Variants in CNOT2 observed in about 807,000 individuals in gnomAD.
The protein encoded by CNOT2 is CCR4-NOT transcription complex subunit 2.
A neutral mutation model predicts 72.1 loss-of-function variants in CNOT2; 7 were observed. That is an observed-to-expected ratio of 0.10 (90% CI 0.06 to 0.18). CNOT2 has a LOEUF of 0.18. Ranked by LOEUF, CNOT2 falls within the 10% of genes least tolerant of loss-of-function variation. CNOT2 has a pLI of 1.00. For synonymous variants in CNOT2, 196 were observed against 225.6 expected (o/e 0.87, Z 1.17); for missense variants, 345 against 660.3 (o/e 0.52, Z 5.23).
At chr12:70,338,402 T>C (rs1232211932) in intron 9 of CNOT2, 41 bp from the exon 10 acceptor site, 14 of 1,553,020 alleles carry the variant, frequency 9.0e-6, no homozygotes, top group Non-Finnish European at 1.1e-5. Context: ...ATTTGTATAC[T>C]TAACAAATTT....
intron 1 of CNOT2, among the ~76,000 whole-genome samples, chr12:70,273,212 T>A (rs1219569969): frequency 6.6e-6 from 1 of 152,194 alleles, no homozygotes; most frequent in African/African-American, 2.4e-5. Flanking sequence ...TCCTGTTCTC[T>A]TGTGAATCCA....
chr12:70,277,140 C>T (rs1198601405), intron 1 of CNOT2, among the ~76,000 whole-genome samples: 1 of 151,850 alleles, frequency 6.6e-6, no homozygotes, highest in Non-Finnish European at 1.5e-5. Context: ...ATTTGAATAC[C>T]AATGTTTAGT....
chr12:70,277,005 A>C (rs1868936658), intron 1 of CNOT2, among the ~76,000 whole-genome samples: 1 of 151,920 alleles, frequency 6.6e-6, no homozygotes, highest in Non-Finnish European at 1.5e-5. Context: ...TTTTAGAGGT[A>C]CTCCATATAT....
intron 14 of CNOT2, 83 bp from the exon 15 acceptor site, chr12:70,346,097 G>A (rs911686121): frequency 9.3e-6 from 8 of 857,296 alleles, no homozygotes; most frequent in African/African-American, 3.5e-5. Context: ...TTTTTTTTCC[G>A]GAGGAAAGCT....
chr12:70,264,267 C>T (rs1167803624), intron 1 of CNOT2, among the ~76,000 whole-genome samples: 1 of 152,202 alleles, frequency 6.6e-6, no homozygotes, highest in African/African-American at 2.4e-5. Context: ...CGTGGTTTAA[C>T]TTGTTCCTGT....
chr12:70,341,858 A>G (rs764223330), intron 11 of CNOT2: 87 of 464,770 alleles, frequency 1.9e-4, no homozygotes, highest in Non-Finnish European at 2.9e-4. Context: ...CATGTTTTGT[A>G]TATTGTGATA....
intron 15 of CNOT2, among the ~76,000 whole-genome samples, chr12:70,350,057 C>T (rs12312791): frequency 0.015 from 2,232 of 151,994 alleles, 56 homozygotes; most frequent in African/African-American, 0.05. Flanking sequence ...TTTATATACT[C>T]ATTAACTTTT....
intron 1 of CNOT2, among the ~76,000 whole-genome samples, chr12:70,254,685 A>G (rs1219902233): frequency 6.6e-6 from 1 of 152,108 alleles, no homozygotes; most frequent in Non-Finnish European, 1.5e-5. Context: ...ATTTAAATAG[A>G]TATCTGGTTT....
chr12:70,270,133 A>T (rs544962186), intron 1 of CNOT2, among the ~76,000 whole-genome samples: 1 of 152,166 alleles, frequency 6.6e-6, no homozygotes, highest in Non-Finnish European at 1.5e-5. Flanking sequence ...TATTAGTATC[A>T]ATGATTTTTG....
chr12:70,328,992 C>T (rs1326522174), intron 4 of CNOT2, among the ~76,000 whole-genome samples: 2 of 151,766 alleles, frequency 1.3e-5, no homozygotes, highest in Non-Finnish European at 2.9e-5. Context: ...GCTACTTCAG[C>T]AAAGCGGGGT....
intron 7 of CNOT2, 31 bp downstream of exon 7, chr12:70,332,877 A>G: frequency 6.4e-7 from 1 of 1,556,096 alleles, no homozygotes; most frequent in African/African-American, 1.4e-5. Flanking sequence ...GTACCCTACA[A>G]AAAGTATGAT....
intron 2 of CNOT2, 64 bp downstream of exon 2, chr12:70,278,338 G>A: frequency 2.4e-6 from 3 of 1,228,210 alleles, no homozygotes. Flanking sequence ...CTGTTCAAAT[G>A]TGTTATATGT....
intron 2 of CNOT2, 78 bp from the exon 3 acceptor site, chr12:70,310,817 T>C: frequency 8.0e-7 from 1 of 1,255,916 alleles, no homozygotes; most frequent in South Asian, 1.4e-5. Flanking sequence ...CTTCATGTTC[T>C]GTTTTCCACA....
chr12:70,340,831 T>C (rs2136063070), intron 11 of CNOT2, among the ~76,000 whole-genome samples: 1 of 150,902 alleles, frequency 6.6e-6, no homozygotes, highest in Non-Finnish European at 1.5e-5. Flanking sequence ...AATACATTAC[T>C]CCTCTGCTCA....
intron 3 of CNOT2, among the ~76,000 whole-genome samples, chr12:70,311,455 G>A (rs1026121003): frequency 4.6e-5 from 7 of 151,914 alleles, no homozygotes; most frequent in African/African-American, 1.7e-4. Flanking sequence ...TGTAATTCTG[G>A]ACCTCAGGTG....
intron 2 of CNOT2, among the ~76,000 whole-genome samples, chr12:70,304,806 C>T (rs1277464186): frequency 2.6e-5 from 4 of 152,216 alleles, no homozygotes; most frequent in Non-Finnish European, 5.9e-5. Flanking sequence ...CCTCCTTGAG[C>T]TGTGGTGGGC....
chr12:70,246,819 ACTATT>A, intron 1 of CNOT2, among the ~76,000 whole-genome samples: 1 of 152,286 alleles, frequency 6.6e-6, no homozygotes, highest in East Asian at 1.9e-4. Flanking sequence ...CTTTGTCTAT[ACTATT>A]AGGAATGTCC....
intron 1 of CNOT2, among the ~76,000 whole-genome samples, chr12:70,267,886 G>C (rs937680319): frequency 6.6e-6 from 1 of 152,200 alleles, no homozygotes; most frequent in African/African-American, 2.4e-5. Flanking sequence ...TTTATATATT[G>C]TCTCTGGCTG....
At chr12:70,335,750 A>G (rs1393334176) in intron 8 of CNOT2, 187 bp downstream of exon 8, 2 of 411,388 alleles carry the variant, frequency 4.9e-6, no homozygotes, top group Non-Finnish European at 8.7e-6. Context: ...GAATACCATG[A>G]TAGCAAAGTT....
Sources: allele counts gnomAD v4.1 joint callset (sites outside exome capture counted in the v4.1 genomes callset), GRCh38; gene constraint gnomAD v4.1.1; transcripts MANE v1.5; gene names NCBI Gene and HGNC (gene_info 2026-07-23, HGNC 2026-07-21).